PDE4D: variants seen among roughly 807,000 people sequenced by gnomAD.
PDE4D encodes 3',5'-cyclic-AMP phosphodiesterase 4D.
PDE4D carries 24 observed loss-of-function variants against 87.4 expected under a neutral mutation model. The observed-to-expected ratio is 0.27, with a 90% confidence interval of 0.20 to 0.39. PDE4D has a LOEUF of 0.39. Among genes scored for constraint, PDE4D ranks in the 10% least tolerant of loss-of-function variants. The probability of loss-of-function intolerance (pLI) is 1.00; values close to 1 mark genes in which losing one functional copy is unlikely to be tolerated. For synonymous variants in PDE4D, 384 were observed against 383.2 expected (o/e 1.00, Z -0.02); for missense variants, 714 against 1,041.0 (o/e 0.69, Z 4.32).
intron 1 of PDE4D, among the ~76,000 whole-genome samples, chr5:60,200,815 T>G (rs1397275824): frequency 6.6e-6 from 1 of 152,180 alleles, no homozygotes; most frequent in East Asian, 1.9e-4. Flanking sequence ...GAGAAGAGTT[T>G]AATAGTAAGA....
chr5:59,465,458 A>G (rs1042062836), intron 1 of PDE4D, among the ~76,000 whole-genome samples: 1 of 152,104 alleles, frequency 6.6e-6, no homozygotes, highest in African/African-American at 2.4e-5. Flanking sequence ...GACATTTTAC[A>G]CATACCCTCC....
chr5:59,595,724 C>T (rs1472144883), intron 1 of PDE4D, among the ~76,000 whole-genome samples: 1 of 152,126 alleles, frequency 6.6e-6, no homozygotes, highest in Non-Finnish European at 1.5e-5. Context: ...TAGATGATCT[C>T]AAGAGGGTAT....
chr5:59,962,556 C>A (rs1361608548), intron 3 of PDE4D, among the ~76,000 whole-genome samples: 3 of 124,396 alleles, frequency 2.4e-5, no homozygotes, highest in African/African-American at 7.9e-5. Flanking sequence ...AATTTGATAA[C>A]AATGTTAAGA....
intron 1 of PDE4D, among the ~76,000 whole-genome samples, chr5:59,310,220 A>G (rs1772301172): frequency 6.6e-6 from 1 of 152,026 alleles, no homozygotes; most frequent in East Asian, 1.9e-4. Context: ...ACTTTTCCCC[A>G]ATAAGTCTAC....
At chr5:59,573,040 T>C (rs1822146600) in intron 1 of PDE4D, among the ~76,000 whole-genome samples, 1 of 152,226 alleles carries the variant, frequency 6.6e-6, no homozygotes, top group Admixed American at 6.5e-5. Context: ...GTTTATCCAA[T>C]GGACACGGGG....
At chr5:59,286,240 G>C (rs1479481530) in intron 1 of PDE4D, among the ~76,000 whole-genome samples, 1 of 152,172 alleles carries the variant, frequency 6.6e-6, no homozygotes, top group Non-Finnish European at 1.5e-5. Flanking sequence ...CCATGTGCCA[G>C]GCACTGGGTA....
At chr5:60,053,598 A>G (rs1770447723) in intron 2 of PDE4D, among the ~76,000 whole-genome samples, 1 of 152,138 alleles carries the variant, frequency 6.6e-6, no homozygotes, top group Non-Finnish European at 1.5e-5. Context: ...CTAGAAGAAA[A>G]CCTAGGCAAT....
intron 6 of PDE4D, among the ~76,000 whole-genome samples, chr5:58,995,323 T>C (rs1038749816): frequency 6.6e-6 from 1 of 152,192 alleles, no homozygotes; most frequent in Admixed American, 6.5e-5. Flanking sequence ...TCTACCCTTG[T>C]ATGTGAATAC....
At chr5:59,603,515 G>C (rs192413407) in intron 1 of PDE4D, among the ~76,000 whole-genome samples, 27 of 152,046 alleles carry the variant, frequency 1.8e-4, no homozygotes, top group Admixed American at 1.7e-3. Flanking sequence ...GCAAGAATGT[G>C]GAGAAAAGAG....
intron 5 of PDE4D, among the ~76,000 whole-genome samples, chr5:59,068,112 T>C (rs1487712925): frequency 6.6e-6 from 1 of 152,202 alleles, no homozygotes; most frequent in Admixed American, 6.5e-5. Context: ...GTTAAAAGCA[T>C]GTGTGAAATG....
chr5:60,197,018 C>CAGATAGATAGAT (rs201360208), intron 1 of PDE4D, among the ~76,000 whole-genome samples: 3,135 of 123,488 alleles, frequency 0.025, 100 homozygotes, highest in East Asian at 0.058. Flanking sequence ...ACAAGATAGG[C>CAGATAGATAGAT]AGATAGATAG....
chr5:59,353,721 C>T (rs1486705901), intron 1 of PDE4D, among the ~76,000 whole-genome samples: 1 of 152,034 alleles, frequency 6.6e-6, no homozygotes, highest in Non-Finnish European at 1.5e-5. Flanking sequence ...CCCTGCTCCC[C>T]TCCTCTCCCC....
chr5:59,531,053 T>C (rs1261525067), intron 1 of PDE4D, among the ~76,000 whole-genome samples: 2 of 152,246 alleles, frequency 1.3e-5, no homozygotes, highest in Non-Finnish European at 2.9e-5. Context: ...AATGATGTTA[T>C]TTGGGCAAGA....
At chr5:60,319,714 A>C (rs773406963) in intron 1 of PDE4D, among the ~76,000 whole-genome samples, 37 of 152,196 alleles carry the variant, frequency 2.4e-4, no homozygotes, top group Non-Finnish European at 4.7e-4. Context: ...TAGGACCCTC[A>C]GCTTCAGGTC....
intron 1 of PDE4D, among the ~76,000 whole-genome samples, chr5:59,406,621 C>T (rs547884956): frequency 6.6e-6 from 1 of 152,122 alleles, no homozygotes; most frequent in South Asian, 2.1e-4. Context: ...AACTCCTGAC[C>T]TCATGATCTG....
intron 1 of PDE4D, among the ~76,000 whole-genome samples, chr5:59,668,886 A>G (rs1457358738): frequency 1.3e-5 from 1 of 78,680 alleles, no homozygotes; most frequent in African/African-American, 5.5e-5. Flanking sequence ...GAAGAAGAAG[A>G]AGAAGAAGAA....
intron 1 of PDE4D, among the ~76,000 whole-genome samples, chr5:59,268,715 G>T (rs1763275767): frequency 6.6e-6 from 1 of 151,950 alleles, no homozygotes; most frequent in South Asian, 2.1e-4. Context: ...TATCCCTCAG[G>T]CCCTATTCTC....
intron 3 of PDE4D, among the ~76,000 whole-genome samples, chr5:59,957,765 G>C (rs996004191): frequency 3.9e-5 from 6 of 152,034 alleles, no homozygotes; most frequent in African/African-American, 1.4e-4. Context: ...TTGCTCAAGA[G>C]AGTGTGATGC....
At chr5:59,637,398 T>C (rs756870382) in intron 1 of PDE4D, among the ~76,000 whole-genome samples, 7 of 152,162 alleles carry the variant, frequency 4.6e-5, no homozygotes, top group Non-Finnish European at 1.0e-4. Flanking sequence ...TTACTGGGTA[T>C]ATAATCCCAA....
Sources: gnomAD v4.1 joint callset for allele counts (sites outside exome capture counted in the v4.1 genomes callset) on GRCh38, gnomAD v4.1.1 for gene constraint, MANE v1.5 for transcripts, NCBI Gene and HGNC (gene_info 2026-07-23, HGNC 2026-07-21) for gene names.